MTCL1: variants seen among roughly 807,000 people sequenced by gnomAD.
MTCL1 encodes microtubule cross-linking factor 1.
A neutral mutation model predicts 141.4 loss-of-function variants in MTCL1; 79 were observed. The observed-to-expected ratio is 0.56, with a 90% CI of 0.47 to 0.67. The LOEUF (loss-of-function observed/expected upper bound fraction) is 0.67, where lower values mean the gene tolerates loss of function less well. MTCL1 is among the 30% of genes least tolerant of loss of function. The pLI, the probability that MTCL1 is intolerant of heterozygous loss-of-function variation, is 0.00. For missense variants in MTCL1, 2,177 were observed against 2,113.9 expected, an observed-to-expected ratio of 1.03 and a Z score of -0.59; for synonymous variants, 914 against 875.8, an observed-to-expected ratio of 1.04 and a Z score of -0.77.
chr18:8,744,426 A>G (rs1265432135), intron 4 of MTCL1, among the ~76,000 whole-genome samples: 1 of 152,186 alleles, frequency 6.6e-6, no homozygotes, highest in Non-Finnish European at 1.5e-5. Context: ...GGGACACTGT[A>G]TATTCTTCAT....
At chr18:8,811,673 CT>C (rs1331812513) in intron 11 of MTCL1, among the ~76,000 whole-genome samples, 3 of 152,166 alleles carry the variant, frequency 2.0e-5, no homozygotes, top group Non-Finnish European at 2.9e-5. Context: ...TGGTTACTGA[CT>C]TACCATGTCC....
At chr18:8,811,750 T>C (rs1212994555) in intron 11 of MTCL1, among the ~76,000 whole-genome samples, 22 of 152,180 alleles carry the variant, frequency 1.4e-4, no homozygotes, top group Admixed American at 1.4e-3. Flanking sequence ...TAAGGATACC[T>C]ATACGTATTT....
intron 4 of MTCL1, among the ~76,000 whole-genome samples, chr18:8,759,965 C>G (rs1354027684): frequency 6.6e-6 from 1 of 152,090 alleles, no homozygotes; most frequent in Admixed American, 6.5e-5. Context: ...TCTGCTCCAC[C>G]ACAGCACATC....
At chr18:8,797,992 G>A (rs1322148546) in intron 9 of MTCL1, 105 bp from the exon 9 acceptor site, 21 of 1,164,272 alleles carry the variant, frequency 1.8e-5, no homozygotes, top group African/African-American at 8.1e-5. Flanking sequence ...AAGTATAGGC[G>A]TTGATAATCC....
In MTCL1 at chr18:8,830,890, G is replaced by A. The variant is rs1412891597; in HGVS notation, c.*19-717G>A. 1.4e-5 allele frequency: 14 copies of A among 985,386 alleles called. No homozygotes were observed. Among genetic ancestry groups the A allele is most frequent in the African/African-American group, 3.5e-5 (2 of 57,258 alleles). The allele number at this position is 985,386 out of a possible 1,614,324, so 61.0% of individuals were successfully genotyped here. A position where few individuals can be genotyped will look rare whatever the true frequency, so the allele number is the denominator to read the frequency against. On this transcript the variant is annotated intron_variant, in intron 16 of 16. Coordinates refer to ENST00000359865, the Ensembl canonical transcript of MTCL1. This position sits in a 1 kb window ranked among gnomAD's most constrained non-coding sequence, Gnocchi z 6.4. ...TTCTAGGTGATTTGCACATGGTTGA[G>A]TGTGTCTTGCATCACCTGCTCGCAG...
At chr18:8,809,820 C>A in intron 11 of MTCL1, 1 of 530,212 alleles carries the variant, frequency 1.9e-6, no homozygotes, top group Non-Finnish European at 3.3e-6. Context: ...TGTGTGTCAT[C>A]ACAGGCACTG....
chr18:8,755,993 T>C (rs1023495782), intron 4 of MTCL1, among the ~76,000 whole-genome samples: 1 of 152,130 alleles, frequency 6.6e-6, no homozygotes, highest in Admixed American at 6.5e-5. Flanking sequence ...AAACATTACT[T>C]AGGTGTGGTG....
chr18:8,752,936 GC>G (rs1162134513), intron 4 of MTCL1, among the ~76,000 whole-genome samples: 4 of 152,306 alleles, frequency 2.6e-5, no homozygotes, highest in African/African-American at 9.6e-5. Flanking sequence ...AATACAGTGG[GC>G]AAACAGGCAA....
At chr18:8,827,123 TG>T (rs2077051756) in intron 15 of MTCL1, among the ~76,000 whole-genome samples, 1 of 152,178 alleles carries the variant, frequency 6.6e-6, no homozygotes, top group African/African-American at 2.4e-5. Context: ...TGGGAACACC[TG>T]GCCCCATGAG....
intron 15 of MTCL1, among the ~76,000 whole-genome samples, chr18:8,826,511 T>C (rs752124187): frequency 6.6e-6 from 1 of 152,246 alleles, no homozygotes; most frequent in Non-Finnish European, 1.5e-5. Context: ...GATTGATCCT[T>C]ATTTATCAGG....
chr18:8,826,553 CT>C (rs2077034618), intron 15 of MTCL1, among the ~76,000 whole-genome samples: 1 of 152,182 alleles, frequency 6.6e-6, no homozygotes, highest in Non-Finnish European at 1.5e-5. Flanking sequence ...TGCCTTCTTT[CT>C]GTGTGAATTC....
chr18:8,783,254 G>A (rs886429315), intron 5 of MTCL1, among the ~76,000 whole-genome samples: 8 of 127,134 alleles, frequency 6.3e-5, no homozygotes, highest in South Asian at 2.6e-4. Context: ...TGGTTTCCAC[G>A]TGCACTTTTT....
intron 7 of MTCL1, chr18:8,786,331 T>A: frequency 1.5e-6 from 1 of 688,230 alleles, no homozygotes; most frequent in Non-Finnish European, 2.7e-6. Flanking sequence ...CTGTAGGCAC[T>A]GTCCACCTCC....
chr18:8,819,809 C>G (rs1329979553), intron 13 of MTCL1, among the ~76,000 whole-genome samples: 1 of 152,074 alleles, frequency 6.6e-6, no homozygotes, highest in Non-Finnish European at 1.5e-5. Flanking sequence ...CAGGGTCTCC[C>G]TATGTTGCCC....
At chr18:8,714,024 A>G (rs1476146907), upstream of MTCL1, among the ~76,000 whole-genome samples, 9 of 152,240 alleles carry the variant, frequency 5.9e-5, no homozygotes, top group Admixed American at 3.3e-4. Context: ...CCTAATGGAT[A>G]TGCTTTGTGT....
rs34524200 is a variant in MTCL1 at position 8,728,720 on chromosome 18, C to CTTTTT, written c.357+8248_357+8252dup. On this transcript the variant is annotated intron_variant, in intron 4 of 16. Coordinates refer to ENST00000359865, the Ensembl canonical transcript of MTCL1. ...GTGGGGCCTTCTTATGTTGTCCATT[C>CTTTTT]TTTTTTTTTTTTTTTTTTTTTTTTT... Among the ~76,000 whole-genome samples the CTTTTT allele has an allele frequency of 4.5e-3, 266 of 59,090 alleles. 55 individuals carry two copies. Among genetic ancestry groups the CTTTTT allele is most frequent in the East Asian group, 0.016 (28 of 1,794 alleles). The allele number at this position is 59,090 out of a possible 152,430, so 38.8% of individuals were successfully genotyped here. A position where few individuals can be genotyped will look rare whatever the true frequency, so the allele number is the denominator to read the frequency against.
chr18:8,820,735 C>T (rs1347955504), intron 13 of MTCL1, among the ~76,000 whole-genome samples: 2 of 152,140 alleles, frequency 1.3e-5, no homozygotes, highest in African/African-American at 2.4e-5. Flanking sequence ...CCCTGCATGG[C>T]AGAGACAAGG....
At chr18:8,827,225 G>A (rs938922820) in intron 15 of MTCL1, among the ~76,000 whole-genome samples, 4 of 152,220 alleles carry the variant, frequency 2.6e-5, no homozygotes, top group Non-Finnish European at 4.4e-5. Flanking sequence ...CTGCTTCCTC[G>A]CCAGGACCCA....
chr18:8,723,742 GCCGATGATGGTGTTACCCTTAA>G (rs1433688640), intron 4 of MTCL1, among the ~76,000 whole-genome samples: 1 of 152,130 alleles, frequency 6.6e-6, no homozygotes, highest in African/African-American at 2.4e-5. Context: ...AGTCCCCAAG[GCCGATGATGGTGTTACCCTTAA>G]CCCTCTTCTC....
Sources: allele counts gnomAD v4.1 joint callset (sites outside exome capture counted in the v4.1 genomes callset), GRCh38; gene constraint gnomAD v4.1.1; non-coding constraint Gnocchi (gnomAD v3.1); transcripts MANE v1.5; gene names NCBI Gene and HGNC (gene_info 2026-07-23, HGNC 2026-07-21).